Variants in BNC2 observed in about 807,000 individuals in gnomAD.
BNC2 encodes the protein zinc finger protein basonuclin-2.
Under a neutral mutation model 76.3 loss-of-function variants are expected in BNC2, and 20 were observed. The observed-to-expected ratio is 0.26, with a 90% confidence interval of 0.18 to 0.38. The LOEUF is 0.38. BNC2 is among the 10% of genes least tolerant of loss of function. BNC2 has a pLI of 1.00. For synonymous variants in BNC2, 582 were observed against 514.8 expected, an observed-to-expected ratio of 1.13 and a Z score of -1.77; for missense variants, 1,382 against 1,399.8, an observed-to-expected ratio of 0.99 and a Z score of 0.20.
chr9:16,751,595 C>A (rs1017392397), intron 1 of BNC2, among the ~76,000 whole-genome samples: 10 of 67,682 alleles, frequency 1.5e-4, no homozygotes, highest in African/African-American at 4.7e-4. Flanking sequence ...AAGCTGCTGT[C>A]CCCAGCACAA....
At chr9:16,431,783 C>T (rs1411761239) in intron 6 of BNC2, among the ~76,000 whole-genome samples, 1 of 152,172 alleles carries the variant, frequency 6.6e-6, no homozygotes, top group Non-Finnish European at 1.5e-5. Context: ...ATGATTCAGG[C>T]ACGTTACATT....
chr9:16,719,482 C>CAG (rs1303517634), intron 3 of BNC2, among the ~76,000 whole-genome samples: 2 of 152,132 alleles, frequency 1.3e-5, no homozygotes, highest in African/African-American at 4.8e-5. Context: ...TTCAGACACC[C>CAG]AGTTCAGGTA....
chr9:16,465,660 AATATT>A (rs943379876), intron 5 of BNC2, among the ~76,000 whole-genome samples: 31 of 152,172 alleles, frequency 2.0e-4, no homozygotes, highest in African/African-American at 7.5e-4. Context: ...ATATAACATG[AATATT>A]ATAAGACAAA....
At chr9:16,836,684 T>A (rs1224969628) in intron 1 of BNC2, among the ~76,000 whole-genome samples, 1 of 152,140 alleles carries the variant, frequency 6.6e-6, no homozygotes, top group East Asian at 1.9e-4. Flanking sequence ...ATTCTGCTAA[T>A]CACGAATTTT....
At chr9:16,591,628 T>C (rs552573217) in intron 3 of BNC2, among the ~76,000 whole-genome samples, 68 of 152,154 alleles carry the variant, frequency 4.5e-4, no homozygotes, top group Non-Finnish European at 3.4e-4. Flanking sequence ...TAAAACTGAT[T>C]ATAAATGTTA....
intron 3 of BNC2, among the ~76,000 whole-genome samples, chr9:16,656,275 C>G (rs879520091): frequency 6.6e-6 from 1 of 152,020 alleles, no homozygotes; most frequent in Non-Finnish European, 1.5e-5. Flanking sequence ...TCTACTCACC[C>G]GTAAAAGCAG....
chr9:16,835,152 T>C (rs1818673094), intron 1 of BNC2, among the ~76,000 whole-genome samples: 1 of 152,172 alleles, frequency 6.6e-6, no homozygotes, highest in Non-Finnish European at 1.5e-5. Flanking sequence ...TTCATACAGA[T>C]GAGATGTTAA....
intron 6 of BNC2, among the ~76,000 whole-genome samples, chr9:16,422,030 A>G (rs1820720773): frequency 6.6e-6 from 1 of 152,196 alleles, no homozygotes; most frequent in Non-Finnish European, 1.5e-5. Context: ...ATCAAGACAC[A>G]CTGAATAAGG....
At chr9:16,781,246 G>GATCTGGATTCAAGACCTCATCTT (rs58363689) in intron 1 of BNC2, among the ~76,000 whole-genome samples, 1 of 151,812 alleles carries the variant, frequency 6.6e-6, no homozygotes, top group African/African-American at 2.4e-5. Context: ...AAGGTCTGAA[G>GATCTGGATTCAAGACCTCATCTT]ATCAGGGCTG....
intron 4 of BNC2, chr9:16,575,442 G>A: frequency 1.0e-6 from 1 of 985,338 alleles, no homozygotes; most frequent in Non-Finnish European, 1.2e-6. Context: ...GAGCTAATAG[G>A]CAGACAGCCC....
intron 3 of BNC2, among the ~76,000 whole-genome samples, chr9:16,590,825 G>A (rs1819909562): frequency 6.6e-6 from 1 of 151,966 alleles, no homozygotes; most frequent in Non-Finnish European, 1.5e-5. Flanking sequence ...ACACACAAAA[G>A]ACGTCTATCC....
At chr9:16,616,385 C>A (rs1322891130) in intron 3 of BNC2, among the ~76,000 whole-genome samples, 1 of 151,134 alleles carries the variant, frequency 6.6e-6, no homozygotes, top group African/African-American at 2.4e-5. Context: ...GAGAGAGACC[C>A]TGTCTCGCAA....
intron 3 of BNC2, among the ~76,000 whole-genome samples, chr9:16,676,115 G>T (rs1822632992): frequency 6.6e-6 from 1 of 152,036 alleles, no homozygotes; most frequent in Non-Finnish European, 1.5e-5. Context: ...AAAAAATACT[G>T]ATCCTAAAGA....
At chr9:16,445,736 G>T (rs766644674) in intron 5 of BNC2, among the ~76,000 whole-genome samples, 2 of 152,144 alleles carry the variant, frequency 1.3e-5, no homozygotes, top group Non-Finnish European at 2.9e-5. Context: ...GACTTTACTT[G>T]TTAACATTGA....
At chr9:16,734,665 G>A (rs1033965418) in intron 2 of BNC2, among the ~76,000 whole-genome samples, 8 of 152,180 alleles carry the variant, frequency 5.3e-5, no homozygotes, top group African/African-American at 1.9e-4. Flanking sequence ...TTTTGCCAAA[G>A]TATTGTGAGT....
intron 1 of BNC2, among the ~76,000 whole-genome samples, chr9:16,809,653 C>G (rs1270967049): frequency 6.6e-6 from 1 of 152,046 alleles, no homozygotes; most frequent in Non-Finnish European, 1.5e-5. Flanking sequence ...TGGCGCGTGC[C>G]TGTAGTCCCA....
intron 5 of BNC2, among the ~76,000 whole-genome samples, chr9:16,525,392 G>T (rs925953179): frequency 2.6e-5 from 4 of 151,896 alleles, no homozygotes; most frequent in Non-Finnish European, 5.9e-5. Flanking sequence ...ATACAAAAAG[G>T]TGCTAAAAAT....
chr9:16,668,838 T>A (rs1478978635), intron 3 of BNC2, among the ~76,000 whole-genome samples: 2 of 152,186 alleles, frequency 1.3e-5, no homozygotes, highest in Non-Finnish European at 2.9e-5. Context: ...TTTAATAGAT[T>A]CACAGATTTT....
rs183297416 is a variant in BNC2, at chr9:16,825,771, T to C, written c.3+44875A>G. ...ATGTTCATTAACTGAACGTTATTTG[T>C]GGAAGGTGTTTTTCATTAGAAATTA... On this transcript the variant is annotated intron_variant, in intron 1 of 6. Transcript: ENST00000380672. Among the ~76,000 whole-genome samples, 127 of 152,306 alleles carry C rather than the reference T, an allele frequency of 8.3e-4. 1 individual carries two copies. The highest frequency in any genetic ancestry group is 6.8e-3 in the Middle Eastern group (2 of 294).
Sources: allele counts gnomAD v4.1 joint callset (sites outside exome capture counted in the v4.1 genomes callset), GRCh38; gene constraint gnomAD v4.1.1; transcripts MANE v1.5; gene names NCBI Gene and HGNC (gene_info 2026-07-23, HGNC 2026-07-21).